The following CASQ2 variants were observed in gnomAD, a reference collection of about 807,000 sequenced individuals.
The protein encoded by CASQ2 is calsequestrin 2.
A neutral mutation model predicts 46.5 loss-of-function variants in CASQ2; 49 were observed. That is an observed-to-expected ratio of 1.05 (90% confidence interval 0.84 to 1.34). CASQ2 has a LOEUF of 1.34. CASQ2 is among the 40% of genes most tolerant of loss of function. The probability of loss-of-function intolerance (pLI) is 0.00; values close to 1 mark genes in which losing one functional copy is unlikely to be tolerated. For synonymous variants in CASQ2, 174 were observed against 168.5 expected (o/e 1.03, Z -0.25); for missense variants, 486 against 481.3 (o/e 1.01, Z -0.09).
chr1:115,742,642 G>A (rs1340708432), intron 2 of CASQ2, among the ~76,000 whole-genome samples: 1 of 151,996 alleles, frequency 6.6e-6, no homozygotes, highest in Non-Finnish European at 1.5e-5. Flanking sequence ...TAGATCACTG[G>A]GACACTAGTA....
intron 2 of CASQ2, 116 bp from the exon 3 acceptor site, chr1:115,740,944 C>T: frequency 1.4e-6 from 1 of 724,920 alleles, no homozygotes; most frequent in Non-Finnish European, 2.5e-6. Flanking sequence ...ATTAGTGGAA[C>T]TAGCATTAAC....
chr1:115,738,357 C>A (rs767897417), intron 3 of CASQ2, 22 bp from the exon 4 acceptor site: 2 of 1,356,952 alleles, frequency 1.5e-6, no homozygotes, highest in Non-Finnish European at 2.1e-6. Context: ...CACGCACATA[C>A]ACACATGTTC....
intron 7 of CASQ2, among the ~76,000 whole-genome samples, chr1:115,720,960 C>G (rs1647352897): frequency 1.3e-5 from 2 of 152,180 alleles, no homozygotes; most frequent in Non-Finnish European, 2.9e-5. Context: ...CTATGCTTAT[C>G]AATTACCTAC....
At chr1:115,746,013 C>T (rs1648373733) in intron 1 of CASQ2, among the ~76,000 whole-genome samples, 1 of 152,192 alleles carries the variant, frequency 6.6e-6, no homozygotes, top group Non-Finnish European at 1.5e-5. Context: ...TGGGCAACCA[C>T]TAATTTGTTG....
At chr1:115,710,432 G>C (rs1351117269) in intron 8 of CASQ2, among the ~76,000 whole-genome samples, 2 of 152,160 alleles carry the variant, frequency 1.3e-5, no homozygotes, top group Non-Finnish European at 2.9e-5. Flanking sequence ...CACTTCCACT[G>C]TCTCCTACCC....
chr1:115,700,731 G>A lies in CASQ2; in HGVS notation c.*510C>T. The stretch of plus-strand genomic sequence containing the variant: ...TTTATAAGTTTGCTTCCAAGGCTGA[G>A]CCTTCTCTAAGAAGGATCATCTTGG... On this transcript the variant is annotated 3_prime_UTR_variant, in exon 11 of 11. Coordinates refer to ENST00000261448, the MANE Select transcript of CASQ2 (RefSeq NM_001232.4). The A allele has an allele frequency of 2.5e-6, 1 of 392,334 alleles. No homozygotes were observed. The highest frequency in any genetic ancestry group is 4.5e-6 in the Non-Finnish European group (1 of 220,866). The allele number at this position is 392,334 out of a possible 1,614,324, so 24.3% of individuals were successfully genotyped here. A position where few individuals can be genotyped will look rare whatever the true frequency, so the allele number is the denominator to read the frequency against.
intron 1 of CASQ2, among the ~76,000 whole-genome samples, chr1:115,766,554 G>T (rs1490486805): frequency 1.3e-5 from 2 of 152,146 alleles, no homozygotes; most frequent in African/African-American, 4.8e-5. Context: ...GAAGCTCTGA[G>T]AAATTACGTA....
chr1:115,749,993 T>A (rs1023543388), intron 1 of CASQ2, among the ~76,000 whole-genome samples: 8 of 152,216 alleles, frequency 5.3e-5, no homozygotes, highest in South Asian at 2.1e-4. Context: ...GAGTTGTGTA[T>A]AGTCTCTACA....
chr1:115,740,692 C>T (rs754005192), intron 3 of CASQ2, 36 bp downstream of exon 3: 1 of 1,276,830 alleles, frequency 7.8e-7, no homozygotes, highest in South Asian at 1.2e-5. Context: ...TGAGGAGAGG[C>T]AGCTCCATGC....
intron 1 of CASQ2, among the ~76,000 whole-genome samples, chr1:115,764,777 A>G (rs10923418): frequency 0.52 from 79,206 of 152,026 alleles, 21,467 homozygotes; most frequent in South Asian, 0.61. Context: ...TCCTGGTGTC[A>G]TATTACTTGC....
At chr1:115,701,929 A>T (rs1392497908) in intron 10 of CASQ2, among the ~76,000 whole-genome samples, 1 of 148,366 alleles carries the variant, frequency 6.7e-6, no homozygotes, top group Non-Finnish European at 1.5e-5. Flanking sequence ...ATTCTTTTTT[A>T]TTTTTTTTTT....
chr1:115,723,400 GTGAAGAGATAT>G (rs1381128187), intron 7 of CASQ2, among the ~76,000 whole-genome samples: 1 of 151,996 alleles, frequency 6.6e-6, no homozygotes, highest in Non-Finnish European at 1.5e-5. Flanking sequence ...GGAGATCTAG[GTGAAGAGATAT>G]TGAAGTTCTT....
intron 2 of CASQ2, among the ~76,000 whole-genome samples, chr1:115,743,990 A>AT (rs1045723685): frequency 2.0e-5 from 3 of 151,786 alleles, no homozygotes; most frequent in African/African-American, 7.3e-5. Context: ...TACAAAAAAA[A>AT]AAAATGAACT....
intron 1 of CASQ2, among the ~76,000 whole-genome samples, chr1:115,754,984 G>C (rs1648709778): frequency 6.6e-6 from 1 of 152,180 alleles, no homozygotes; most frequent in African/African-American, 2.4e-5. Context: ...AGCAGGTCTG[G>C]GATGGGACCC....
At chr1:115,725,362 C>A in intron 7 of CASQ2, 146 bp downstream of exon 7, 1 of 937,064 alleles carries the variant, frequency 1.1e-6, no homozygotes, top group East Asian at 2.4e-5. Flanking sequence ...CCGTCGTACC[C>A]AATCTGTCCA....
chr1:115,718,954 G>A (rs765980382), intron 7 of CASQ2, among the ~76,000 whole-genome samples: 5 of 152,114 alleles, frequency 3.3e-5, no homozygotes, highest in Non-Finnish European at 5.9e-5. Flanking sequence ...GTGATGATGA[G>A]ACATGGGGAG....
At chr1:115,715,396 A>G (rs1557788579) in intron 8 of CASQ2, among the ~76,000 whole-genome samples, 1 of 152,204 alleles carries the variant, frequency 6.6e-6, no homozygotes, top group African/African-American at 2.4e-5. Flanking sequence ...AAAAGGAATG[A>G]TATGTGCAAT....
At chr1:115,727,624 T>A (rs1438305352) in intron 5 of CASQ2, among the ~76,000 whole-genome samples, 1 of 152,150 alleles carries the variant, frequency 6.6e-6, no homozygotes, top group East Asian at 1.9e-4. Flanking sequence ...GCTTTTTAGG[T>A]TGAAGTGCTG....
chr1:115,706,097 T>G (rs1229543968), intron 8 of CASQ2, among the ~76,000 whole-genome samples: 1 of 152,042 alleles, frequency 6.6e-6, no homozygotes, highest in Non-Finnish European at 1.5e-5. Flanking sequence ...GAAAAAATAG[T>G]TTAGATTCTG....
Sources: allele counts gnomAD v4.1 joint callset (sites outside exome capture counted in the v4.1 genomes callset), GRCh38; gene constraint gnomAD v4.1.1; transcripts MANE v1.5; gene names NCBI Gene and HGNC (gene_info 2026-07-23, HGNC 2026-07-21).